The following ATXN7 variants were observed in gnomAD, a reference collection of about 807,000 sequenced individuals.
The protein encoded by ATXN7 is ataxin-7.
A neutral mutation model predicts 70.5 loss-of-function variants in ATXN7; 12 were observed. The observed-to-expected ratio is 0.17, with a 90% CI of 0.11 to 0.28. The LOEUF (loss-of-function observed/expected upper bound fraction) is 0.28. Among genes scored for constraint, ATXN7 ranks in the 10% least tolerant of loss-of-function variants. ATXN7 has a pLI of 1.00. For missense variants in ATXN7, 1,256 were observed against 1,131.7 expected (o/e 1.11, Z -1.58); for synonymous variants, 498 against 448.7 (o/e 1.11, Z -1.39).
chr3:63,991,299 G>GT (rs71099785), intron 11 of ATXN7, among the ~76,000 whole-genome samples: 5,487 of 108,426 alleles, frequency 0.051, 139 homozygotes, highest in African/African-American at 0.082. Context: ...CCCACCCCTG[G>GT]TTTTTTTTTT....
chr3:63,911,736 T>C (rs1360464235), intron 2 of ATXN7: 1 of 152,286 alleles, frequency 6.6e-6, no homozygotes, highest in Admixed American at 6.5e-5. Flanking sequence ...GGCACACATG[T>C]GGGCGGCGTG....
At chr3:63,927,322 T>G (rs1231715861) in intron 4 of ATXN7, among the ~76,000 whole-genome samples, 1 of 152,214 alleles carries the variant, frequency 6.6e-6, no homozygotes, top group African/African-American at 2.4e-5. Context: ...CCATCACTCT[T>G]GCTGAAAGGT....
At position 63,983,031 on chromosome 3, in the gene ATXN7, C is replaced by T. The variant is rs2075515645; in HGVS notation, c.1095+10C>T. 1 of 1,610,150 alleles carries T rather than the reference C, an allele frequency of 6.2e-7. No individual in the cohort carries two copies. The stretch of plus-strand genomic sequence containing the variant: ...GTCTTTGACATGCAAGGTAGGTGGA[C>T]TCCTGAAAGTCAAGTCGACCATCCT... On this transcript the variant is annotated intron_variant, in intron 8 of 12. Coordinates refer to ENST00000674280, the MANE Select transcript of ATXN7 (RefSeq NM_001377405.1).
intron 4 of ATXN7, among the ~76,000 whole-genome samples, chr3:63,930,058 G>T (rs912813026): frequency 1.3e-5 from 2 of 152,112 alleles, no homozygotes; most frequent in Non-Finnish European, 2.9e-5. Flanking sequence ...GTTTTGAAAT[G>T]GTTATGACTA....
chr3:63,967,119 G>C (rs919142749), intron 5 of ATXN7, among the ~76,000 whole-genome samples: 1 of 152,158 alleles, frequency 6.6e-6, no homozygotes, highest in African/African-American at 2.4e-5. Flanking sequence ...TCATTTGACA[G>C]TAGATTTGTT....
chr3:63,935,751 C>G (rs1391759806), intron 4 of ATXN7, among the ~76,000 whole-genome samples: 1 of 152,022 alleles, frequency 6.6e-6, no homozygotes, highest in Non-Finnish European at 1.5e-5. Flanking sequence ...GATATTAGTA[C>G]CAACGTTTTT....
At chr3:63,958,430 G>A (rs762159279) in intron 5 of ATXN7, among the ~76,000 whole-genome samples, 1 of 152,084 alleles carries the variant, frequency 6.6e-6, no homozygotes, top group Non-Finnish European at 1.5e-5. Flanking sequence ...TGATGGACTG[G>A]TTCTGGCAAA....
At chr3:63,884,606 C>T (rs1056670059) in intron 1 of ATXN7, among the ~76,000 whole-genome samples, 3 of 151,774 alleles carry the variant, frequency 2.0e-5, no homozygotes, top group African/African-American at 7.3e-5. Context: ...AGATAATCAT[C>T]TCTCAAGGAG....
chr3:63,990,679 C>T (rs2106787912), intron 10 of ATXN7, 59 bp from the exon 11 acceptor site: 3 of 1,612,990 alleles, frequency 1.9e-6, no homozygotes, highest in Middle Eastern at 1.8e-4. Flanking sequence ...GATCTAGAAC[C>T]CTGACTGGGC....
intron 4 of ATXN7, among the ~76,000 whole-genome samples, chr3:63,929,130 G>A (rs1704833437): frequency 2.0e-5 from 3 of 152,020 alleles, no homozygotes; most frequent in Non-Finnish European, 2.9e-5. Context: ...AACATAAAAG[G>A]GAAATGGCGT....
chr3:63,961,591 A>G (rs1050019187), intron 5 of ATXN7, among the ~76,000 whole-genome samples: 1 of 152,136 alleles, frequency 6.6e-6, no homozygotes, highest in African/African-American at 2.4e-5. Flanking sequence ...TTATATATAT[A>G]TAAATTGTTT....
At chr3:63,917,296 C>G (rs1191431071) in intron 4 of ATXN7, among the ~76,000 whole-genome samples, 1 of 152,188 alleles carries the variant, frequency 6.6e-6, no homozygotes, top group East Asian at 1.9e-4. Flanking sequence ...ATGATTAAGA[C>G]AAATTACTGC....
chr3:63,907,988 G>T (rs1422817573), intron 2 of ATXN7, among the ~76,000 whole-genome samples: 4 of 151,792 alleles, frequency 2.6e-5, no homozygotes, highest in African/African-American at 9.7e-5. Flanking sequence ...TGTTTCTTTG[G>T]GAGAGTTCAT....
chr3:63,891,322 CT>C (rs879316742), intron 1 of ATXN7, among the ~76,000 whole-genome samples: 164 of 140,404 alleles, frequency 1.2e-3, no homozygotes, highest in South Asian at 4.8e-3. Context: ...GGCCCCAGCA[CT>C]TTTTTTTTTT....
intron 1 of ATXN7, among the ~76,000 whole-genome samples, chr3:63,887,596 A>AT (rs1212416070): frequency 6.6e-6 from 1 of 151,672 alleles, no homozygotes; most frequent in African/African-American, 2.4e-5. Context: ...TTATTTTATT[A>AT]TTTTTTCTAG....
chr3:63,866,287 G>GC (rs1702425373), intron 1 of ATXN7, among the ~76,000 whole-genome samples: 1 of 152,032 alleles, frequency 6.6e-6, no homozygotes, highest in Non-Finnish European at 1.5e-5. Context: ...TTCCTCTGTT[G>GC]CCTAGGCTGG....
Position 63,995,994 on chromosome 3 carries a change from C to T in ATXN7, c.2172C>T (p.Ser724=). ...ACTCTTCCTCCTCCTCTTCCTCCTC[C>T]TCCTCTTCTTCTCATTCCATGGAGT... ...LVHSSSSSSS[S]SSSSHSMESF... Residue 724 remains serine (S), a synonymous_variant, in exon 12 of 13, where the codon TCC becomes TCT. Coordinates refer to ENST00000674280, the MANE Select transcript of ATXN7 (RefSeq NM_001377405.1). 1 of 1,614,146 alleles carries T rather than the reference C, an allele frequency of 6.2e-7. No individual in the cohort carries two copies. Among genetic ancestry groups the T allele is most frequent in the Non-Finnish European group, 8.5e-7 (1 of 1,179,956 alleles).
chr3:63,871,170 T>C (rs1245111129), intron 1 of ATXN7, among the ~76,000 whole-genome samples: 2 of 152,230 alleles, frequency 1.3e-5, no homozygotes, highest in Non-Finnish European at 2.9e-5. Flanking sequence ...AAAACAACAT[T>C]GTGCTGAAAA....
At chr3:63,933,860 C>A (rs1185629818) in intron 4 of ATXN7, among the ~76,000 whole-genome samples, 1 of 151,582 alleles carries the variant, frequency 6.6e-6, no homozygotes, top group African/African-American at 2.4e-5. Flanking sequence ...CAAGTTGATG[C>A]TTCATAACTG....
Sources: allele counts gnomAD v4.1 joint callset (sites outside exome capture counted in the v4.1 genomes callset), GRCh38; gene constraint gnomAD v4.1.1; transcripts MANE v1.5; gene names NCBI Gene and HGNC (gene_info 2026-07-23, HGNC 2026-07-21).